STK3: variants seen among roughly 807,000 people sequenced by gnomAD.
STK3 encodes the protein serine/threonine kinase 3.
STK3 carries 41 observed loss-of-function variants against 58.0 expected under a neutral mutation model. The observed-to-expected ratio is 0.71, with a 90% CI of 0.55 to 0.92. STK3 has a LOEUF of 0.92. Among genes scored for constraint, STK3 ranks in the 40% least tolerant of loss-of-function variants. The pLI is 0.00. For missense variants in STK3, 479 were observed against 602.7 expected, an observed-to-expected ratio of 0.79 and a Z score of 2.15; for synonymous variants, 170 against 191.0, an observed-to-expected ratio of 0.89 and a Z score of 0.91.
chr8:98,629,833 G>A (rs556942938), intron 6 of STK3, among the ~76,000 whole-genome samples: 9 of 151,990 alleles, frequency 5.9e-5, no homozygotes, highest in African/African-American at 9.7e-5. Flanking sequence ...AGTGCTTTTC[G>A]CATGCAAACC....
chr8:98,819,112 C>T (rs1834733802), intron 1 of STK3, among the ~76,000 whole-genome samples: 1 of 152,088 alleles, frequency 6.6e-6, no homozygotes. Flanking sequence ...CGTGAGCCAC[C>T]GTGCCCAGCC....
At chr8:98,344,515 C>T in the STK3 span, among the ~76,000 whole-genome samples, 8 of 152,104 alleles carry the variant, frequency 5.3e-5, no homozygotes, top group East Asian at 1.9e-4. Context: ...GGCAAATGGC[C>T]TGGGTTTATT....
At chr8:98,496,492 T>C (rs553585913) in intron 10 of STK3, among the ~76,000 whole-genome samples, 78 of 152,282 alleles carry the variant, frequency 5.1e-4, no homozygotes, top group Non-Finnish European at 1.0e-3. Flanking sequence ...AATCCTCAAA[T>C]TGATCTACAG....
chr8:98,364,153 G>A, the STK3 span, among the ~76,000 whole-genome samples: 6 of 152,170 alleles, frequency 3.9e-5, no homozygotes, highest in African/African-American at 1.4e-4. Flanking sequence ...AGCCTGGGTA[G>A]TGGGACAAGC....
intron 1 of STK3, among the ~76,000 whole-genome samples, chr8:98,806,786 A>G (rs1167249497): frequency 6.6e-6 from 1 of 152,082 alleles, no homozygotes; most frequent in African/African-American, 2.4e-5. Flanking sequence ...CAAGCAGAGG[A>G]AAGAATCACA....
chr8:98,525,244 G>T (rs944142205), intron 10 of STK3, among the ~76,000 whole-genome samples: 1 of 152,108 alleles, frequency 6.6e-6, no homozygotes, highest in Non-Finnish European at 1.5e-5. Flanking sequence ...CACAGAGTGC[G>T]GAATAATAGA....
intron 6 of STK3, among the ~76,000 whole-genome samples, chr8:98,691,104 G>A (rs1043480768): frequency 7.2e-5 from 11 of 152,066 alleles, no homozygotes; most frequent in Non-Finnish European, 1.0e-4. Context: ...ACTTCCTATC[G>A]GATACTATGT....
intron 1 of STK3, among the ~76,000 whole-genome samples, chr8:98,444,863 C>T (rs992128184): frequency 1.6e-4 from 24 of 152,092 alleles, no homozygotes; most frequent in African/African-American, 5.3e-4. Flanking sequence ...AAAGATGGGC[C>T]TGCAGGAGTT....
chr8:98,609,790 C>G (rs1025695163), intron 6 of STK3, among the ~76,000 whole-genome samples: 1 of 151,906 alleles, frequency 6.6e-6, no homozygotes, highest in Non-Finnish European at 1.5e-5. Context: ...GAAACCCCGT[C>G]TCTACTAAAA....
chr8:98,380,061 C>T (rs1817716523), intron 1 of STK3, among the ~76,000 whole-genome samples: 1 of 152,184 alleles, frequency 6.6e-6, no homozygotes, highest in African/African-American at 2.4e-5. Flanking sequence ...ATGACAAATA[C>T]TGTGTGATTC....
chr8:98,717,700 C>G (rs1261979268), intron 4 of STK3, among the ~76,000 whole-genome samples: 1 of 152,100 alleles, frequency 6.6e-6, no homozygotes, highest in Non-Finnish European at 1.5e-5. Flanking sequence ...TGCAGGGTCT[C>G]AAAGAGGTGT....
intron 1 of STK3, among the ~76,000 whole-genome samples, chr8:98,900,784 C>T (rs1391165613): frequency 6.6e-6 from 1 of 151,830 alleles, no homozygotes; most frequent in African/African-American, 2.4e-5. Flanking sequence ...GCCTCAGCCT[C>T]CCAAGTAGCT....
chr8:98,595,964 T>C (rs964223049), intron 7 of STK3, 68 bp downstream of exon 7: 1 of 1,533,740 alleles, frequency 6.5e-7, no homozygotes, highest in African/African-American at 1.4e-5. Flanking sequence ...ACACAGCAAT[T>C]CTGGCCAATG....
intron 6 of STK3, among the ~76,000 whole-genome samples, chr8:98,641,463 G>A (rs938492033): frequency 6.6e-6 from 1 of 152,130 alleles, no homozygotes; most frequent in Non-Finnish European, 1.5e-5. Context: ...TTGGCATACA[G>A]GATTCATTCA....
At chr8:98,838,173 G>C (rs1835818071) in intron 3 of STK3, among the ~76,000 whole-genome samples, 1 of 151,872 alleles carries the variant, frequency 6.6e-6, no homozygotes, top group South Asian at 2.1e-4. Flanking sequence ...AACCCTAGAG[G>C]CAGAGGTTGC....
At chr8:98,386,443 T>G (rs530742706) in intron 1 of STK3, among the ~76,000 whole-genome samples, 1 of 152,198 alleles carries the variant, frequency 6.6e-6, no homozygotes, top group African/African-American at 2.4e-5. Flanking sequence ...TATGAAGTGA[T>G]TTTAAGAACA....
At chr8:98,693,394 GAAGA>G (rs1369313362) in intron 6 of STK3, among the ~76,000 whole-genome samples, 6 of 152,156 alleles carry the variant, frequency 3.9e-5, no homozygotes, top group Non-Finnish European at 5.9e-5. Context: ...CCCTGTGAAA[GAAGA>G]AAGAAGATGA....
chr8:98,763,020 T>A (rs1379370125), intron 3 of STK3, among the ~76,000 whole-genome samples: 1 of 152,226 alleles, frequency 6.6e-6, no homozygotes, highest in East Asian at 1.9e-4. Flanking sequence ...TTAAATATGC[T>A]TTAGCACTAG....
intron 10 of STK3, among the ~76,000 whole-genome samples, chr8:98,471,602 C>T (rs1044566155): frequency 6.6e-6 from 1 of 152,058 alleles, no homozygotes. Context: ...CTGTACTGAA[C>T]GTGAAAAAGA....
Sources: allele counts gnomAD v4.1 joint callset (sites outside exome capture counted in the v4.1 genomes callset), GRCh38; gene constraint gnomAD v4.1.1; transcripts MANE v1.5; gene names NCBI Gene and HGNC (gene_info 2026-07-23, HGNC 2026-07-21).